The following CARMIL2 variants were observed in gnomAD, a reference collection of about 807,000 sequenced individuals.
The protein encoded by CARMIL2 is capping protein, Arp2/3 and myosin-I linker protein 2.
Under a neutral mutation model 173.3 loss-of-function variants are expected in CARMIL2, and 96 were observed. The observed-to-expected ratio is 0.55, with a 90% CI of 0.47 to 0.66. CARMIL2 has a LOEUF of 0.66. Among genes scored for constraint, CARMIL2 ranks in the 30% least tolerant of loss-of-function variants. The pLI is 0.00. For missense variants in CARMIL2, 1,771 were observed against 1,906.7 expected (o/e 0.93, Z 1.33); for synonymous variants, 830 against 817.1 (o/e 1.02, Z -0.27).
In CARMIL2 at chr16:67,651,890, C is replaced by T. The variant is rs1259838640; in HGVS notation, c.2589-31C>T. ...GCTGGGCAAGGCTGAGCAAAGCCAG[C>T]CCATTAACCCCTGTCCTCTCCTGCC... On this transcript the variant is annotated intron_variant, in intron 25 of 37. Transcript: ENST00000334583. The surrounding 1 kb of genome is among the most constrained non-coding windows in gnomAD (Gnocchi z 4.2). 1.9e-6 allele frequency: 3 copies of T among 1,612,736 alleles called. No homozygotes were observed. Among genetic ancestry groups the T allele is most frequent in the South Asian group, 1.1e-5 (1 of 91,086 alleles).
Position 67,648,419 on chromosome 16 carries a change from C to G in CARMIL2, c.1356C>G (p.Ala452=). The stretch of plus-strand genomic sequence containing the variant: ...CCAGGAAGTCCCGCGCCGCGCCGGC[C>G]GCGCTGCAGCTCTTCCTCAGCCGCG... ...FSRTKSRAAP[A]ALQLFLSRAR... is the part of the protein sequence containing the mutation. The change falls in exon 15 of 38, where the codon GCC becomes GCG. Residue 452 remains alanine, a synonymous_variant. Transcript: ENST00000334583. The surrounding 1 kb of genome is among the most constrained non-coding windows in gnomAD (Gnocchi z 6.1). 1 of 1,519,046 alleles carries G rather than the reference C, an allele frequency of 6.6e-7. No homozygotes were observed. Among genetic ancestry groups the G allele is most frequent in the Non-Finnish European group, 8.8e-7 (1 of 1,140,078 alleles). The allele number at this position is 1,519,046 out of a possible 1,614,324, so 94.1% of individuals were successfully genotyped here.
chr16:67,654,004 G>A (rs2052780150), intron 29 of CARMIL2, 145 bp from the exon 30 acceptor site: 2 of 610,426 alleles, frequency 3.3e-6, no homozygotes, highest in Non-Finnish European at 5.8e-6. Context: ...CAGCAGGACA[G>A]TAGGAGGCTG....
Position 67,652,677 on chromosome 16 carries a change from T to C in CARMIL2, c.2884+139T>C, listed in dbSNP as rs1485741091. The C allele has an allele frequency of 3.7e-6, 3 of 816,334 alleles. No homozygotes were observed. The highest frequency in any genetic ancestry group is 1.9e-6 in the Non-Finnish European group (1 of 515,168). The allele number at this position is 816,334 out of a possible 1,614,324, so 50.6% of individuals were successfully genotyped here. On this transcript the variant is annotated intron_variant, in intron 28 of 37. Transcript: ENST00000334583. The surrounding 1 kb of genome is among the most constrained non-coding windows in gnomAD (Gnocchi z 4.7). ...CCTTGACTGGGCCAGGTCGGGCCCC[T>C]TGTGCAACCTGCAAAGCTGGGGTCT...
At position 67,649,969 on chromosome 16, in the gene CARMIL2, G is replaced by A. The variant is rs113616794; in HGVS notation, c.2082+1G>A. ...ACTGACAGCACGTGCAGTCCATCAG[G>A]TGGGCGTCCCCCTCTTCCCTTGCCC... is the stretch of plus-strand genomic sequence containing the variant. On this transcript the variant is annotated splice_donor_variant, in intron 21 of 37. Coordinates refer to ENST00000334583, the MANE Select transcript of CARMIL2 (RefSeq NM_001013838.3). LOFTEE classifies it high-confidence loss of function. This position sits in a 1 kb window ranked among gnomAD's most constrained non-coding sequence, Gnocchi z 6.7. The A allele has an allele frequency of 6.2e-7, 1 of 1,613,416 alleles. No homozygotes were observed. Among genetic ancestry groups the A allele is most frequent in the Non-Finnish European group, 8.5e-7 (1 of 1,179,772 alleles).
intron 32 of CARMIL2, 121 bp downstream of exon 32, chr16:67,655,021 T>G: frequency 7.6e-7 from 1 of 1,320,592 alleles, no homozygotes; most frequent in Non-Finnish European, 1.0e-6. Flanking sequence ...TACTCCATTC[T>G]CCTCGAAATG....
Position 67,653,925 on chromosome 16 carries a change from G to T in CARMIL2, c.3121-224G>T, listed in dbSNP as rs1385849371. Among the ~76,000 whole-genome samples, 1 of 152,052 alleles carries T rather than the reference G, an allele frequency of 6.6e-6. No homozygotes were observed. Among genetic ancestry groups the T allele is most frequent in the East Asian group, 1.9e-4 (1 of 5,166 alleles). ...GTAGGATACTCTGTGGGACAAGGAC[G>T]GGTGTGGACTGGGTGTGCGGGAGCC... On this transcript the variant is annotated intron_variant, in intron 29 of 37. Transcript: ENST00000334583. This position sits in a 1 kb window ranked among gnomAD's most constrained non-coding sequence, Gnocchi z 7.4.
Position 67,647,579 on chromosome 16 carries a change from C to T in CARMIL2, c.848C>T (p.Ala283Val), listed in dbSNP as rs774229324. The stretch of plus-strand genomic sequence containing the variant: ...TCTGGGCTGCGGGAGCTCAGCCTCG[C>T]GGGGAACCTGCTGGATGACCGAGGT... The part of the protein sequence containing the change: ...SSSGLRELSL[A>V]GNLLDDRGMT... Residue 283 changes from alanine to valine, a missense_variant, in exon 11 of 38, where the codon GCG (alanine) becomes GTG (valine). Around this residue, in one of 3 missense-constraint regions of CARMIL2, gnomAD observed 944 missense variants for 975.6 expected, o/e 0.97. Coordinates refer to ENST00000334583, the MANE Select transcript of CARMIL2 (RefSeq NM_001013838.3). The T allele has an allele frequency of 9.9e-6, 16 of 1,610,802 alleles. No homozygotes were observed. Among genetic ancestry groups the T allele is most frequent in the Admixed American group, 6.7e-5 (4 of 59,586 alleles).
rs753417996 is a variant in CARMIL2 at position 67,646,400 on chromosome 16, C to T, written c.375-26C>T. On this transcript the variant is annotated intron_variant, in intron 5 of 37. Transcript: ENST00000334583. This position sits in a 1 kb window ranked among gnomAD's most constrained non-coding sequence, Gnocchi z 4.6. Reference sequence around the variant, plus strand: ...CATCCCAGAGGCTGGAAGTCCTTTGCCCCCTTCTCCTTAACCCCCTACCAG... The same window carrying T: ...CATCCCAGAGGCTGGAAGTCCTTTGTCCCCTTCTCCTTAACCCCCTACCAG... 1.2e-6 allele frequency: 2 copies of T among 1,609,070 alleles called. No individual in the cohort carries two copies. The highest frequency in any genetic ancestry group is 8.5e-7 in the Non-Finnish European group (1 of 1,176,946).
chr16:67,646,385 G>C lies in CARMIL2; in HGVS notation c.375-41G>C. 2 of 1,607,832 alleles carry C rather than the reference G, an allele frequency of 1.2e-6. No individual in the cohort carries two copies. The highest frequency in any genetic ancestry group is 1.3e-5 in the African/African-American group (1 of 74,930). On this transcript the variant is annotated intron_variant, in intron 5 of 37. Transcript: ENST00000334583. This position sits in a 1 kb window ranked among gnomAD's most constrained non-coding sequence, Gnocchi z 4.6. Reference sequence around the variant, plus strand: ...AGAAGGGCTGCTTCCCATCCCAGAGGCTGGAAGTCCTTTGCCCCCTTCTCC... The same window carrying C: ...AGAAGGGCTGCTTCCCATCCCAGAGCCTGGAAGTCCTTTGCCCCCTTCTCC...
rs748430437 is a variant in CARMIL2, at chr16:67,654,510, G to A, written c.3400G>A (p.Asp1134Asn). 30 of 1,612,040 alleles carry A rather than the reference G, an allele frequency of 1.9e-5. No homozygotes were observed. Among genetic ancestry groups the A allele is most frequent in the Non-Finnish European group, 2.5e-5 (30 of 1,179,480 alleles). The change falls in exon 31 of 38, where the codon GAC becomes AAC. Residue 1134 changes from aspartate to asparagine, a missense_variant. Asp to Asn is a conservative substitution (Grantham distance 23). Transcript: ENST00000334583. Reference protein sequence around the residue: ...APRTRKTTFGDLLRPPTRPSR... With the variant: ...APRTRKTTFGNLLRPPTRPSR... Reference sequence around the variant, plus strand: ...CCGAACCCGAAAAACTACATTTGGCGACCTACTGCGGCCGCCAACCCGTCC... The same window carrying A: ...CCGAACCCGAAAAACTACATTTGGCAACCTACTGCGGCCGCCAACCCGTCC...
rs1413211476 is a variant in CARMIL2 at position 67,656,790 on chromosome 16, G to T, written c.4037-11G>T. The stretch of plus-strand genomic sequence containing the variant: ...CTGTTGGAATACCCCTGATTCCCTG[G>T]CCTCCCTCAGATGGCCAGCTGAGGC... On this transcript the variant is annotated splice_polypyrimidine_tract_variant and intron_variant, in intron 35 of 37. Coordinates refer to ENST00000334583, the MANE Select transcript of CARMIL2 (RefSeq NM_001013838.3). 1.9e-6 allele frequency: 3 copies of T among 1,551,606 alleles called. No individual in the cohort carries two copies. Among genetic ancestry groups the T allele is most frequent in the Non-Finnish European group, 2.6e-6 (3 of 1,147,484 alleles).
chr16:67,648,286 G>T lies in CARMIL2; in HGVS notation c.1306G>T (p.Asp436Tyr). The change falls in exon 14 of 38, where the codon GAC becomes TAC. Residue 436 changes from aspartate (D) to tyrosine (Y), a missense_variant. By Grantham distance (160) the Asp-to-Tyr change is radical. Coordinates refer to ENST00000334583, the MANE Select transcript of CARMIL2 (RefSeq NM_001013838.3). The surrounding 1 kb of genome is among the most constrained non-coding windows in gnomAD (Gnocchi z 6.1). ...RGCCTSLTHL[D>Y]ASRNVFSRTK... is the part of the protein sequence containing the mutation. ...CTGCTGCACCAGCCTTACCCACCTC[G>T]ACGCTTCGAGGAACGTCTTCTCCCG... 1 of 1,594,304 alleles carries T rather than the reference G, an allele frequency of 6.3e-7. No homozygotes were observed. Among genetic ancestry groups the T allele is most frequent in the Non-Finnish European group, 8.5e-7 (1 of 1,176,518 alleles).
chr16:67,655,983 G>C (rs1411593758), intron 32 of CARMIL2, 48 bp from the exon 33 acceptor site: 4 of 1,557,292 alleles, frequency 2.6e-6, no homozygotes, highest in Non-Finnish European at 1.7e-6. Flanking sequence ...AAAGGCTAGG[G>C]TGTGGGGAGC....
At chr16:67,650,367 C>T (rs2052701026) in intron 22 of CARMIL2, 1 of 582,808 alleles carries the variant, frequency 1.7e-6, no homozygotes, top group East Asian at 2.8e-5. Flanking sequence ...AGCCTGTAAA[C>T]AGGCTGTCCT....
Position 67,653,339 on chromosome 16 carries a change from G to A in CARMIL2, c.3120+85G>A, listed in dbSNP as rs2052767021. The A allele has an allele frequency of 7.6e-6, 5 of 655,752 alleles. No homozygotes were observed. The South Asian group carries it at 2.8e-4, about 36-fold the overall frequency. 40.6% of individuals were successfully genotyped at this position (655,752 alleles called of 1,614,324 possible). ...GCTCCTCATGGGTGGTAGCGGTCAA[G>A]GAGAGGGGGTGGTGGGGGCCCAAGG... is the stretch of plus-strand genomic sequence containing the variant. On this transcript the variant is annotated intron_variant, in intron 29 of 37. Coordinates refer to ENST00000334583, the MANE Select transcript of CARMIL2 (RefSeq NM_001013838.3). The surrounding 1 kb of genome is among the most constrained non-coding windows in gnomAD (Gnocchi z 7.4).
chr16:67,652,599 G>A lies in CARMIL2; in HGVS notation c.2884+61G>A, dbSNP rs1057047143. On this transcript the variant is annotated intron_variant, in intron 28 of 37. Coordinates refer to ENST00000334583, the MANE Select transcript of CARMIL2 (RefSeq NM_001013838.3). The surrounding 1 kb of genome is among the most constrained non-coding windows in gnomAD (Gnocchi z 4.7). ...GTGGGCTGAAGCTCCATTAGACTTGGGGACCCGGGGACCTGGATGAACTCA... is the reference window on the plus strand; with the variant it reads ...GTGGGCTGAAGCTCCATTAGACTTGAGGACCCGGGGACCTGGATGAACTCA... The A allele has an allele frequency of 3.4e-6, 5 of 1,490,904 alleles. No homozygotes were observed. The highest frequency in any genetic ancestry group is 4.6e-6 in the Non-Finnish European group (5 of 1,078,070). 92.4% of individuals were successfully genotyped at this position (1,490,904 alleles called of 1,614,324 possible). A position where few individuals can be genotyped will look rare whatever the true frequency, so the allele number is the denominator to read the frequency against.
In CARMIL2 at chr16:67,646,044, G is replaced by A. The variant is rs1597742245; in HGVS notation, c.213G>A (p.Glu71=). 6.2e-7 allele frequency: 1 copy of A among 1,613,806 alleles called. No individual in the cohort carries two copies. Among genetic ancestry groups the A allele is most frequent in the East Asian group, 2.2e-5 (1 of 44,882 alleles). The change falls in exon 4 of 38, where the codon GAG becomes GAA. Residue 71 remains glutamate (E), a synonymous_variant. Transcript: ENST00000334583. The surrounding 1 kb of genome is among the most constrained non-coding windows in gnomAD (Gnocchi z 4.6). The part of the protein sequence containing the change: ...LRVDCTFSYL[E]VQAMALQETP... ...TGGACTGCACGTTCAGCTACCTGGA[G>A]GTCCAGGCCATGGCGCTGCAGGAGA...
rs144377011 is a variant in CARMIL2, at chr16:67,655,942, A to G, written c.3706-89A>G. On this transcript the variant is annotated intron_variant, in intron 32 of 37. Transcript: ENST00000334583. ...CTTGTCCAGCCCATGGTGGGCATTC[A>G]GTGGCAGGATTATAAGAACAAGAAC... The G allele has an allele frequency of 2.0e-5, 29 of 1,481,518 alleles. No homozygotes were observed. In the East Asian group the frequency reaches 7.2e-4, roughly 37 times the overall value. 91.8% of individuals were successfully genotyped at this position (1,481,518 alleles called of 1,614,324 possible).
At position 67,651,501 on chromosome 16, in the gene CARMIL2, G is replaced by T. The variant is rs185503585; in HGVS notation, c.2414G>T (p.Arg805Leu). The T allele has an allele frequency of 1.3e-6, 2 of 1,590,240 alleles. No individual in the cohort carries two copies. Among genetic ancestry groups the T allele is most frequent in the East Asian group, 2.2e-5 (1 of 44,490 alleles). The change falls in exon 24 of 38, where the codon CGC becomes CTC. Residue 805 changes from arginine to leucine, a missense_variant. Physicochemically the swap from Arg to Leu is moderately radical, Grantham distance 102 (BLOSUM62 -2). Around this residue, in one of 3 missense-constraint regions of CARMIL2, gnomAD observed 817 missense variants for 903.5 expected, o/e 0.90. Transcript: ENST00000334583. The surrounding 1 kb of genome is among the most constrained non-coding windows in gnomAD (Gnocchi z 4.2). ...CTGAGACAGGTGGGCGAGGTCTGCC[G>T]CCAGGACATCCAGGTGAGAGGGTAC... ...GLLRQVGEVC[R>L]QDIQDFTQAT...
Sources: allele counts gnomAD v4.1 joint callset (sites outside exome capture counted in the v4.1 genomes callset), GRCh38; gene constraint gnomAD v4.1.1; regional missense constraint gnomAD v4.1.1; non-coding constraint Gnocchi (gnomAD v3.1); transcripts MANE v1.5; gene names NCBI Gene and HGNC (gene_info 2026-07-23, HGNC 2026-07-21).